OXSR1: variants seen among roughly 807,000 people sequenced by gnomAD.
The protein encoded by OXSR1 is oxidative stress responsive kinase 1, also known as serine/threonine-protein kinase OSR1.
Under a neutral mutation model 79.8 loss-of-function variants are expected in OXSR1, and 24 were observed. The observed-to-expected ratio is 0.30, with a 90% CI of 0.22 to 0.42. OXSR1 has a LOEUF of 0.42. OXSR1 is among the 10% of genes least tolerant of loss of function. The probability of loss-of-function intolerance (pLI) is 1.00; values close to 1 mark genes in which losing one functional copy is unlikely to be tolerated. For synonymous variants in OXSR1, 226 were observed against 209.2 expected (o/e 1.08, Z -0.69); for missense variants, 430 against 618.4 (o/e 0.70, Z 3.23).
chr3:38,181,752 A>G (rs954731960), intron 1 of OXSR1, among the ~76,000 whole-genome samples: 3 of 151,874 alleles, frequency 2.0e-5, no homozygotes, highest in African/African-American at 4.8e-5. Context: ...TGGTGTTGGC[A>G]TCAGTACGAT....
intron 1 of OXSR1, among the ~76,000 whole-genome samples, chr3:38,166,500 G>T (rs766893234): frequency 6.6e-6 from 1 of 151,926 alleles, no homozygotes; most frequent in Non-Finnish European, 1.5e-5. Context: ...AAGACAAAAA[G>T]AAGTAAGAAG....
In OXSR1 at chr3:38,254,324, T is replaced by G. The variant is rs1043418935; in HGVS notation, c.*1433T>G. 1 of 397,888 alleles carries G rather than the reference T, an allele frequency of 2.5e-6. No individual in the cohort carries two copies. The highest frequency in any genetic ancestry group is 2.1e-5 in the African/African-American group (1 of 48,598). 24.6% of individuals were successfully genotyped at this position (397,888 alleles called of 1,614,324 possible). On this transcript the variant is annotated 3_prime_UTR_variant, in exon 18 of 18. Coordinates refer to ENST00000311806, the MANE Select transcript of OXSR1 (RefSeq NM_005109.3). ...TCTGAAAACCTTCCCCACAAATAAC[T>G]TGTCACACCTTTTGTTTCATTCTGA...
chr3:38,164,788 T>C (rs1575294075), upstream of OXSR1, among the ~76,000 whole-genome samples: 1 of 152,108 alleles, frequency 6.6e-6, no homozygotes, highest in South Asian at 2.1e-4. Flanking sequence ...AAGCTGCGAA[T>C]GGACAGAACC....
intron 8 of OXSR1, among the ~76,000 whole-genome samples, chr3:38,227,485 G>T (rs976239293): frequency 4.0e-5 from 6 of 150,638 alleles, no homozygotes; most frequent in Non-Finnish European, 8.9e-5. Context: ...GAATATGAAA[G>T]AAATATTAAC....
intron 15 of OXSR1, 167 bp downstream of exon 15, chr3:38,250,185 T>C: frequency 1.7e-6 from 1 of 585,050 alleles, no homozygotes; most frequent in Non-Finnish European, 3.1e-6. Context: ...CGTTGACTAC[T>C]AAACACATTT....
Position 38,252,824 on chromosome 3 carries a change from G to T in OXSR1, c.1517G>T (p.Gly506Val), listed in dbSNP as rs1433135948. The part of the protein sequence containing the change: ...NRSVTFKLAS[G>V]VEGSDIPDDG... ...ATTTTGTTTGGTTCTTAGGCATCTG[G>T]TGTCGAAGGCTCAGATATTCCTGAT... The change falls in exon 18 of 18, where the codon GGT becomes GTT. Residue 506 changes from glycine to valine, a missense_variant. By Grantham distance (109) the Gly-to-Val change is moderately radical (BLOSUM62 -3). This residue lies in a region of OXSR1 where 276 missense variants were observed against 354.2 expected (regional missense o/e 0.78). Transcript: ENST00000311806. 1.2e-6 allele frequency: 2 copies of T among 1,612,398 alleles called. No individual in the cohort carries two copies. Among genetic ancestry groups the T allele is most frequent in the East Asian group, 2.2e-5 (1 of 44,892 alleles).
At chr3:38,247,647 A>G (rs528765305) in intron 13 of OXSR1, 21 bp from the exon 14 acceptor site, 1 of 1,588,436 alleles carries the variant, frequency 6.3e-7, no homozygotes, top group Non-Finnish European at 8.6e-7. Flanking sequence ...CAATGACTGT[A>G]TACCTTTCAA....
At chr3:38,238,706 A>G (rs1317263816) in intron 11 of OXSR1, among the ~76,000 whole-genome samples, 6 of 151,944 alleles carry the variant, frequency 3.9e-5, no homozygotes, top group Non-Finnish European at 5.9e-5. Context: ...TATAAGTAAC[A>G]TGTCTTTTTT....
chr3:38,165,996 GA>G, intron 1 of OXSR1, 50 bp downstream of exon 1: 2 of 1,539,822 alleles, frequency 1.3e-6, no homozygotes, highest in Non-Finnish European at 1.8e-6. Flanking sequence ...GGAGGCGGGG[GA>G]CACGGGAACG....
Position 38,253,800 on chromosome 3 carries a change from G to A in OXSR1, c.*909G>A. On this transcript the variant is annotated 3_prime_UTR_variant, in exon 18 of 18. Transcript: ENST00000311806. Reference sequence around the variant, plus strand: ...TGGCCTCCAAGTCGTGAGGAAATGGGTATGCAAGGCTGAGATTTCTACAGC... The same window carrying A: ...TGGCCTCCAAGTCGTGAGGAAATGGATATGCAAGGCTGAGATTTCTACAGC... 2 of 188,338 alleles carry A rather than the reference G, an allele frequency of 1.1e-5. No homozygotes were observed. Among genetic ancestry groups the A allele is most frequent in the Non-Finnish European group, 2.2e-5 (2 of 92,018 alleles). The allele number at this position is 188,338 out of a possible 1,614,324, so 11.7% of individuals were successfully genotyped here. A position where few individuals can be genotyped will look rare whatever the true frequency, so the allele number is the denominator to read the frequency against.
chr3:38,225,997 C>T (rs1702681186), intron 8 of OXSR1, among the ~76,000 whole-genome samples: 1 of 152,248 alleles, frequency 6.6e-6, no homozygotes, highest in South Asian at 2.1e-4. Context: ...CCTGAATAAT[C>T]AAGCCCTTCA....
At chr3:38,180,423 G>A (rs1400876210) in intron 1 of OXSR1, among the ~76,000 whole-genome samples, 2 of 151,656 alleles carry the variant, frequency 1.3e-5, no homozygotes, top group African/African-American at 4.8e-5. Flanking sequence ...ACTATATACA[G>A]ACTTTTGTGC....
At chr3:38,208,542 T>C (rs1040319135) in intron 4 of OXSR1, among the ~76,000 whole-genome samples, 2 of 152,240 alleles carry the variant, frequency 1.3e-5, no homozygotes, top group African/African-American at 4.8e-5. Flanking sequence ...ATACTCATTT[T>C]TTCCTAGAGT....
At chr3:38,238,103 G>C (rs111537065) in intron 11 of OXSR1, among the ~76,000 whole-genome samples, 1 of 152,074 alleles carries the variant, frequency 6.6e-6, no homozygotes, top group Admixed American at 6.6e-5. Flanking sequence ...AATAGTTATA[G>C]TAGCTTTCTT....
intron 8 of OXSR1, among the ~76,000 whole-genome samples, chr3:38,227,545 C>CCA (rs58097834): frequency 0.089 from 12,245 of 138,238 alleles, 687 homozygotes; most frequent in African/African-American, 0.17. Context: ...GTATGCACAT[C>CCA]CACACACACA....
At chr3:38,192,852 T>A (rs540580857) in intron 3 of OXSR1, among the ~76,000 whole-genome samples, 2 of 152,338 alleles carry the variant, frequency 1.3e-5, no homozygotes, top group Admixed American at 6.5e-5. Flanking sequence ...TGGTTTTTGC[T>A]TGCATGTGTA....
intron 17 of OXSR1, 90 bp from the exon 18 acceptor site, chr3:38,252,727 C>T: frequency 9.8e-7 from 1 of 1,019,458 alleles, no homozygotes; most frequent in Non-Finnish European, 1.5e-6. Flanking sequence ...TGCCCACTGC[C>T]TACCTTCCCA....
intron 1 of OXSR1, among the ~76,000 whole-genome samples, chr3:38,174,382 G>T (rs1559499371): frequency 6.6e-6 from 1 of 152,178 alleles, no homozygotes; most frequent in Non-Finnish European, 1.5e-5. Flanking sequence ...AGGAGTTTGA[G>T]ACCAGCCTGG....
In OXSR1 at chr3:38,233,471, A is replaced by C. The variant is rs576299737; in HGVS notation, c.951+3041A>C. Among the ~76,000 whole-genome samples the C allele has an allele frequency of 2.0e-4, 31 of 152,348 alleles. No homozygotes were observed. In the East Asian group the frequency reaches 5.4e-3, roughly 27 times the overall value. On this transcript the variant is annotated intron_variant, in intron 10 of 17. Transcript: ENST00000311806. ...CTTTAGTTCCTTGCTCTTAAATATGAGCATAGATCTAGGATCACAGGATAC... is the reference window on the plus strand; with the variant it reads ...CTTTAGTTCCTTGCTCTTAAATATGCGCATAGATCTAGGATCACAGGATAC...
Sources: allele counts gnomAD v4.1 joint callset (sites outside exome capture counted in the v4.1 genomes callset), GRCh38; gene constraint gnomAD v4.1.1; regional missense constraint gnomAD v4.1.1; transcripts MANE v1.5; gene names NCBI Gene and HGNC (gene_info 2026-07-23, HGNC 2026-07-21).